The following NRXN1 variants were observed in gnomAD, a reference collection of about 807,000 sequenced individuals.
The protein encoded by NRXN1 is neurexin-1.
In NRXN1, 39 loss-of-function variants were observed where a neutral mutation model predicts 150.9. The ratio of observed to expected loss-of-function variants is 0.26; its 90% CI spans 0.20 to 0.34. The LOEUF (loss-of-function observed/expected upper bound fraction) is 0.34. Ranked by LOEUF, NRXN1 falls within the 10% of genes least tolerant of loss-of-function variation. The pLI, the probability that NRXN1 is intolerant of heterozygous loss-of-function variation, is 1.00. For missense variants in NRXN1, 1,815 were observed against 1,949.9 expected (o/e 0.93, Z 1.30); for synonymous variants, 924 against 757.0 (o/e 1.22, Z -3.62).
At chr2:50,359,401 G>T (rs1232778076) in intron 17 of NRXN1, among the ~76,000 whole-genome samples, 5 of 151,708 alleles carry the variant, frequency 3.3e-5, no homozygotes, top group African/African-American at 1.2e-4. Context: ...AACCAGTTTA[G>T]AGAAGAACAT....
intron 5 of NRXN1, among the ~76,000 whole-genome samples, chr2:50,677,639 T>C (rs1014203157): frequency 6.6e-6 from 1 of 152,150 alleles, no homozygotes; most frequent in Admixed American, 6.5e-5. Flanking sequence ...AGACTGGACT[T>C]CTGGGAATGT....
chr2:50,529,436 A>T (rs1359516320), intron 11 of NRXN1, among the ~76,000 whole-genome samples: 1 of 152,184 alleles, frequency 6.6e-6, no homozygotes, highest in South Asian at 2.1e-4. Flanking sequence ...AAAAGTAGCT[A>T]CTATAAGAAC....
chr2:50,123,542 T>C (rs1332805091), intron 18 of NRXN1, among the ~76,000 whole-genome samples: 2 of 152,176 alleles, frequency 1.3e-5, no homozygotes, highest in African/African-American at 4.8e-5. Flanking sequence ...TTTGAACAGA[T>C]AATTGACACA....
intron 12 of NRXN1, among the ~76,000 whole-genome samples, chr2:50,519,224 A>T (rs1301588723): frequency 6.6e-6 from 1 of 151,942 alleles, no homozygotes; most frequent in Non-Finnish European, 1.5e-5. Context: ...CAATGATATA[A>T]TTATTAGCTA....
chr2:50,173,629 C>T (rs2602004), intron 18 of NRXN1, among the ~76,000 whole-genome samples: 48,669 of 152,012 alleles, frequency 0.32, 8,221 homozygotes, highest in Non-Finnish European at 0.37. Context: ...CATCTACATG[C>T]ATAACGAGCC....
chr2:50,143,022 C>T (rs7567914), intron 18 of NRXN1, among the ~76,000 whole-genome samples: 123,307 of 151,752 alleles, frequency 0.81, 50,579 homozygotes, highest in African/African-American at 0.93. Flanking sequence ...TGTTTTATTT[C>T]CTTCTTTATG....
intron 18 of NRXN1, among the ~76,000 whole-genome samples, chr2:50,160,501 A>G (rs551641684): frequency 6.6e-5 from 10 of 152,174 alleles, no homozygotes; most frequent in African/African-American, 2.4e-4. Flanking sequence ...AGATTGCGCC[A>G]TTGCACTCCA....
chr2:50,257,893 ATT>A lies in NRXN1; in HGVS notation c.3365-20925_3365-20924del, dbSNP rs5831105. On this transcript the variant is annotated intron_variant, in intron 17 of 22. Transcript: ENST00000401669. ...TTTTTATTGATAAAGTATCTGCACA[ATT>A]TTTTTTTTGGTTTCCCAGTGCATAT... Among the ~76,000 whole-genome samples, 3 of 150,738 alleles carry A rather than the reference ATT, an allele frequency of 2.0e-5. No homozygotes were observed. In the East Asian group the frequency reaches 5.8e-4, roughly 29 times the overall value.
chr2:50,686,070 A>G (rs1223498589), intron 5 of NRXN1, among the ~76,000 whole-genome samples: 1 of 152,154 alleles, frequency 6.6e-6, no homozygotes, highest in East Asian at 1.9e-4. Flanking sequence ...ATGGTGCCAC[A>G]ACTAGAAATA....
At chr2:50,612,291 T>C (rs1263384079) in intron 8 of NRXN1, among the ~76,000 whole-genome samples, 1 of 152,190 alleles carries the variant, frequency 6.6e-6, no homozygotes, top group Non-Finnish European at 1.5e-5. Flanking sequence ...AAACTGGTGG[T>C]GCATCCCTCT....
chr2:50,510,201 T>C (rs1205889217), intron 12 of NRXN1, among the ~76,000 whole-genome samples: 1 of 152,160 alleles, frequency 6.6e-6, no homozygotes, highest in African/African-American at 2.4e-5. Flanking sequence ...AGAAAGTCTA[T>C]AGCTGGCTGG....
intron 17 of NRXN1, among the ~76,000 whole-genome samples, chr2:50,414,710 T>C (rs2104146981): frequency 6.6e-6 from 1 of 152,210 alleles, no homozygotes; most frequent in East Asian, 1.9e-4. Flanking sequence ...AAATTTAATG[T>C]ATATACTATA....
intron 5 of NRXN1, among the ~76,000 whole-genome samples, chr2:50,691,941 A>G (rs1692147231): frequency 6.6e-6 from 1 of 152,208 alleles, no homozygotes; most frequent in Admixed American, 6.5e-5. Context: ...TATATACATT[A>G]AAGCCAACTC....
At chr2:50,464,984 A>T (rs747731234) in intron 17 of NRXN1, among the ~76,000 whole-genome samples, 6 of 151,862 alleles carry the variant, frequency 4.0e-5, no homozygotes, top group Non-Finnish European at 8.8e-5. Context: ...ATGTTTGAAC[A>T]TATTTTTTTA....
intron 17 of NRXN1, among the ~76,000 whole-genome samples, chr2:50,245,742 A>T (rs1179178925): frequency 6.6e-6 from 1 of 151,736 alleles, no homozygotes. Context: ...GGTCTAAAAA[A>T]TGTCCAGTTT....
intron 17 of NRXN1, among the ~76,000 whole-genome samples, chr2:50,271,701 T>C (rs1006349739): frequency 1.3e-5 from 2 of 152,166 alleles, no homozygotes; most frequent in Non-Finnish European, 2.9e-5. Flanking sequence ...ATAAATCTTG[T>C]ACTTATTTTA....
At chr2:50,694,642 G>T (rs146640387) in intron 5 of NRXN1, among the ~76,000 whole-genome samples, 1 of 152,112 alleles carries the variant, frequency 6.6e-6, no homozygotes, top group Non-Finnish European at 1.5e-5. Flanking sequence ...TTCAAGGTAG[G>T]GAAAAGAAAA....
chr2:49,992,732 A>G (rs1434916027), intron 21 of NRXN1, among the ~76,000 whole-genome samples: 1 of 152,214 alleles, frequency 6.6e-6, no homozygotes, highest in East Asian at 1.9e-4. Flanking sequence ...AACAATGATA[A>G]AACAAAAAAA....
intron 2 of NRXN1, among the ~76,000 whole-genome samples, chr2:50,956,729 A>G (rs933487145): frequency 1.3e-5 from 2 of 151,498 alleles, no homozygotes; most frequent in African/African-American, 2.4e-5. Context: ...AATATATAAT[A>G]ATAATAATAA....
Sources: gnomAD v4.1 joint callset for allele counts (sites outside exome capture counted in the v4.1 genomes callset) on GRCh38, gnomAD v4.1.1 for gene constraint, MANE v1.5 for transcripts, NCBI Gene and HGNC (gene_info 2026-07-23, HGNC 2026-07-21) for gene names.